ZNF331: variants seen among roughly 807,000 people sequenced by gnomAD.
ZNF331 encodes C2H2-like zinc finger protein rearranged in thyroid adenomas.
Under a neutral mutation model 7.0 loss-of-function variants are expected in ZNF331, and 2 were observed. The ratio of observed to expected loss-of-function variants is 0.29; its 90% CI spans 0.12 to 0.90. The LOEUF (loss-of-function observed/expected upper bound fraction) is 0.90, where lower values mean the gene tolerates loss of function less well. Ranked by LOEUF, ZNF331 falls within the 40% of genes least tolerant of loss-of-function variation. ZNF331 has a pLI of 0.58. For missense variants in ZNF331, 432 were observed against 587.7 expected (o/e 0.74, Z 2.74); for synonymous variants, 196 against 205.4 (o/e 0.95, Z 0.39).
chr19:53,516,760 A>G (rs909969732), upstream of ZNF331, among the ~76,000 whole-genome samples: 1 of 152,204 alleles, frequency 6.6e-6, no homozygotes, highest in Non-Finnish European at 1.5e-5. Context: ...TGAAAGAGAC[A>G]AAGTAGCTGC....
exon 1 of ZNF331, chr19:53,521,192 T>C (rs2147221822): frequency 6.6e-6 from 1 of 152,468 alleles, no homozygotes; most frequent in East Asian, 1.9e-4. Flanking sequence ...GGGAGCTATT[T>C]GCCTCCCAGG....
At chr19:53,503,316 A>T in the ZNF331 span, 3 of 372,176 alleles carry the variant, frequency 8.1e-6, no homozygotes, top group Non-Finnish European at 1.5e-5. Flanking sequence ...TGCCTTTTAA[A>T]TGTCGCTCAT....
chr19:53,506,790 G>A, the ZNF331 span, among the ~76,000 whole-genome samples: 7 of 152,092 alleles, frequency 4.6e-5, no homozygotes, highest in African/African-American at 1.7e-4. Context: ...GTGTTTTTGG[G>A]CTTCGTGTCC....
At position 53,539,313 on chromosome 19, in the gene ZNF331, A is replaced by T. The variant is rs1013691507; in HGVS notation, c.-138+31A>T. 6.6e-6 allele frequency: 1 copy of T among 152,026 alleles called. No homozygotes were observed. Among genetic ancestry groups the T allele is most frequent in the Middle Eastern group, 3.4e-3 (1 of 294 alleles). The allele number at this position is 152,026 out of a possible 1,614,324, so 9.4% of individuals were successfully genotyped here. ...TATCCTTTTTTTTTTATATTAAATGATATGTGTTTATAAGACTTAAGACCA... is the reference window on the plus strand; with the variant it reads ...TATCCTTTTTTTTTTATATTAAATGTTATGTGTTTATAAGACTTAAGACCA... On this transcript the variant is annotated intron_variant, in intron 2 of 5. Transcript: ENST00000449416. This position sits in a 1 kb window ranked among gnomAD's most constrained non-coding sequence, Gnocchi z 6.1.
At chr19:53,550,259 C>T (rs896198111) in intron 2 of ZNF331, among the ~76,000 whole-genome samples, 6 of 152,132 alleles carry the variant, frequency 3.9e-5, no homozygotes, top group East Asian at 3.9e-4. Context: ...TGGTCTAAAG[C>T]GTAATTCAGG....
chr19:53,522,287 C>T (rs1311391740), intron 1 of ZNF331, among the ~76,000 whole-genome samples: 2 of 146,838 alleles, frequency 1.4e-5, no homozygotes, highest in Admixed American at 1.4e-4. Context: ...GAGTCTTGCT[C>T]TGTCGCCCAG....
chr19:53,535,801 CTT>C (rs558002929), upstream of ZNF331, among the ~76,000 whole-genome samples: 122 of 143,430 alleles, frequency 8.5e-4, no homozygotes, highest in Non-Finnish European at 1.1e-3. Flanking sequence ...AAAATGTTCA[CTT>C]TTTTTTTTTT....
At chr19:53,561,491 G>C (rs1476458849) in intron 3 of ZNF331, among the ~76,000 whole-genome samples, 1 of 152,126 alleles carries the variant, frequency 6.6e-6, no homozygotes, top group African/African-American at 2.4e-5. Context: ...AAGCAGGTAT[G>C]TGTTTTCTTT....
chr19:53,552,840 A>G (rs1249453443), intron 2 of ZNF331, among the ~76,000 whole-genome samples: 1 of 152,154 alleles, frequency 6.6e-6, no homozygotes, highest in Non-Finnish European at 1.5e-5. Flanking sequence ...ATCTTTACAT[A>G]TTGCCGTATG....
chr19:53,577,936 G>A lies in ZNF331; in HGVS notation c.1376G>A (p.Arg459Lys). The change falls in exon 6 of 6, where the codon AGG becomes AAG. Residue 459 changes from arginine (R) to lysine (K), a missense_variant. By Grantham distance (26) the Arg-to-Lys change is conservative (BLOSUM62 2). Around this residue, in one of 3 missense-constraint regions of ZNF331, gnomAD observed 312 missense variants for 448.6 expected, o/e 0.70. Transcript: ENST00000449416. ...NHLNHLREHQ[R>K]IHNS ...CTAAACCATCTCCGAGAACATCAGA[G>A]GATCCACAACAGTTGAAGAGCCTTT... The A allele has an allele frequency of 6.2e-7, 1 of 1,612,598 alleles. No homozygotes were observed. The highest frequency in any genetic ancestry group is 8.5e-7 in the Non-Finnish European group (1 of 1,179,162).
chr19:53,536,764 G>A (rs1271076122), upstream of ZNF331, among the ~76,000 whole-genome samples: 3 of 152,154 alleles, frequency 2.0e-5, no homozygotes, highest in Non-Finnish European at 4.4e-5. Context: ...TTAGCCGGGC[G>A]TGGTAGCGCA....
At chr19:53,536,635 C>T (rs1046872590), upstream of ZNF331, among the ~76,000 whole-genome samples, 1 of 152,188 alleles carries the variant, frequency 6.6e-6, no homozygotes, top group African/African-American at 2.4e-5. Context: ...TGTGGTGGCT[C>T]ACGCCTGTAA....
chr19:53,512,669 G>C, the ZNF331 span: 1 of 150,144 alleles, frequency 6.7e-6, no homozygotes, highest in African/African-American at 2.4e-5. Flanking sequence ...TGGGTGGCCT[G>C]TTAGGAACTG....
In ZNF331 at chr19:53,578,088, G is replaced by C. The variant is rs2090803671; in HGVS notation, c.*136G>C. Reference sequence around the variant, plus strand: ...AAGAATTTTAAGTCTCAAATGGTGTGCCCTTCTGAGTAGCGTGATGAAATC... The same window carrying C: ...AAGAATTTTAAGTCTCAAATGGTGTCCCCTTCTGAGTAGCGTGATGAAATC... On this transcript the variant is annotated 3_prime_UTR_variant, in exon 6 of 6. Transcript: ENST00000449416. 8.9e-7 allele frequency: 1 copy of C among 1,126,622 alleles called. No individual in the cohort carries two copies. Among genetic ancestry groups the C allele is most frequent in the South Asian group, 1.7e-5 (1 of 60,164 alleles). 69.8% of individuals were successfully genotyped at this position (1,126,622 alleles called of 1,614,324 possible).
chr19:53,534,529 C>T (rs1239418725), upstream of ZNF331, among the ~76,000 whole-genome samples: 4 of 152,060 alleles, frequency 2.6e-5, no homozygotes, highest in African/African-American at 7.2e-5. Flanking sequence ...TCAAGTGATC[C>T]GCCCACCTCG....
rs1213992131 is a variant in ZNF331, at chr19:53,560,127, C to T, written c.-74+4219C>T. 1.3e-5 allele frequency among the ~76,000 whole-genome samples: 2 copies of T among 149,410 alleles called. No homozygotes were observed. Reference sequence around the variant, plus strand: ...CACACCATACACACACATATATACACACACCATATATATACACACATATAT... The same window carrying T: ...CACACCATACACACACATATATACATACACCATATATATACACACATATAT... On this transcript the variant is annotated intron_variant, in intron 3 of 5. Coordinates refer to ENST00000449416, the MANE Select transcript of ZNF331 (RefSeq NM_001079906.2). The surrounding 1 kb of genome is among the most constrained non-coding windows in gnomAD (Gnocchi z 4.3).
chr19:53,575,793 C>T (rs1242403079), intron 5 of ZNF331, among the ~76,000 whole-genome samples: 1 of 152,072 alleles, frequency 6.6e-6, no homozygotes, highest in Non-Finnish European at 1.5e-5. Flanking sequence ...AAGCGATTCT[C>T]CTGCCTCAGC....
chr19:53,526,677 C>T (rs944458825), intron 2 of ZNF331, among the ~76,000 whole-genome samples: 5 of 151,696 alleles, frequency 3.3e-5, no homozygotes, highest in Non-Finnish European at 7.4e-5. Flanking sequence ...CTCAGCTTCC[C>T]GAGTAGCTGG....
chr19:53,533,465 G>C (rs545710197), upstream of ZNF331, among the ~76,000 whole-genome samples: 2 of 152,296 alleles, frequency 1.3e-5, no homozygotes, highest in South Asian at 4.1e-4. Flanking sequence ...GTATTCTGCT[G>C]CTGTTGGGAG....
Sources: allele counts gnomAD v4.1 joint callset (sites outside exome capture counted in the v4.1 genomes callset), GRCh38; gene constraint gnomAD v4.1.1; regional missense constraint gnomAD v4.1.1; non-coding constraint Gnocchi (gnomAD v3.1); transcripts MANE v1.5; gene names NCBI Gene and HGNC (gene_info 2026-07-23, HGNC 2026-07-21).